Variants in CHN1 observed in about 807,000 individuals in gnomAD.
CHN1 encodes the protein chimerin 1, also known as N-chimaerin.
Under a neutral mutation model 59.5 loss-of-function variants are expected in CHN1, and 37 were observed. The observed-to-expected ratio is 0.62, with a 90% CI of 0.48 to 0.82. The LOEUF (loss-of-function observed/expected upper bound fraction) is 0.82. Among genes scored for constraint, CHN1 ranks in the 40% least tolerant of loss-of-function variants. The pLI is 0.00. For missense variants in CHN1, 469 were observed against 571.0 expected, an observed-to-expected ratio of 0.82 and a Z score of 1.82; for synonymous variants, 206 against 200.4, an observed-to-expected ratio of 1.03 and a Z score of -0.24.
At chr2:174,847,268 G>A (rs1334816072) in intron 6 of CHN1, 5 of 1,381,860 alleles carry the variant, frequency 3.6e-6, no homozygotes, top group Non-Finnish European at 4.7e-6. Context: ...CCACGGAGAG[G>A]TGGAGGAGGA....
chr2:174,893,669 C>T (rs992754518), intron 5 of CHN1, among the ~76,000 whole-genome samples: 1 of 152,046 alleles, frequency 6.6e-6, no homozygotes, highest in Non-Finnish European at 1.5e-5. Flanking sequence ...CCACAAATGG[C>T]CAAAACGATC....
At chr2:175,003,354 C>T (rs1691950158) in intron 1 of CHN1, among the ~76,000 whole-genome samples, 1 of 152,188 alleles carries the variant, frequency 6.6e-6, no homozygotes, top group Non-Finnish European at 1.5e-5. Context: ...CTTCTATAGG[C>T]CACATTCCAT....
chr2:174,946,160 A>G (rs1023798640), intron 2 of CHN1, among the ~76,000 whole-genome samples: 2 of 152,168 alleles, frequency 1.3e-5, no homozygotes, highest in Non-Finnish European at 2.9e-5. Context: ...AATGGGATTA[A>G]TAATAGTTTG....
chr2:174,914,756 T>A (rs1037386508), intron 5 of CHN1, among the ~76,000 whole-genome samples: 1 of 145,988 alleles, frequency 6.8e-6, no homozygotes, highest in Non-Finnish European at 1.5e-5. Flanking sequence ...GGCAGGAGAA[T>A]AGCTTGAACC....
chr2:174,871,225 C>T (rs1687396632), intron 6 of CHN1, among the ~76,000 whole-genome samples: 1 of 150,764 alleles, frequency 6.6e-6, no homozygotes, highest in South Asian at 2.1e-4. Flanking sequence ...ATCTAGCCAC[C>T]ACCCTCACGA....
intron 1 of CHN1, among the ~76,000 whole-genome samples, chr2:174,980,559 T>TGG (rs1691114814): frequency 6.6e-6 from 1 of 152,186 alleles, no homozygotes. Flanking sequence ...CTTCAATTCC[T>TGG]AATTGAAGAA....
intron 1 of CHN1, among the ~76,000 whole-genome samples, chr2:175,000,898 C>A (rs1017810854): frequency 1.3e-5 from 2 of 152,158 alleles, no homozygotes; most frequent in South Asian, 4.1e-4. Flanking sequence ...CCATGCCCAG[C>A]TGGGTTTTCT....
chr2:174,919,102 T>C (rs1183355581), intron 3 of CHN1, among the ~76,000 whole-genome samples: 4 of 152,168 alleles, frequency 2.6e-5, no homozygotes, highest in Non-Finnish European at 5.9e-5. Flanking sequence ...CACAGGAAGA[T>C]AGACAGCATT....
At chr2:174,934,838 C>G (rs939904710) in intron 3 of CHN1, among the ~76,000 whole-genome samples, 2 of 152,184 alleles carry the variant, frequency 1.3e-5, no homozygotes, top group Non-Finnish European at 2.9e-5. Flanking sequence ...CCTGAGAATT[C>G]TACTGCTTTA....
At chr2:174,818,236 A>G (rs1325441976) in intron 8 of CHN1, among the ~76,000 whole-genome samples, 1 of 152,242 alleles carries the variant, frequency 6.6e-6, no homozygotes, top group African/African-American at 2.4e-5. Flanking sequence ...AACTATGGGA[A>G]AACATTAATA....
chr2:174,980,770 A>C (rs991901716), intron 1 of CHN1, among the ~76,000 whole-genome samples: 3 of 152,200 alleles, frequency 2.0e-5, no homozygotes, highest in Non-Finnish European at 4.4e-5. Flanking sequence ...ATGAATCTAA[A>C]CTATGATATT....
At chr2:174,931,936 G>A (rs1689361360) in intron 3 of CHN1, among the ~76,000 whole-genome samples, 2 of 152,148 alleles carry the variant, frequency 1.3e-5, no homozygotes, top group Admixed American at 1.3e-4. Context: ...GGGAAGAGGA[G>A]GCAAGGAAGC....
intron 3 of CHN1, among the ~76,000 whole-genome samples, chr2:174,920,001 G>A (rs1246748038): frequency 2.6e-5 from 4 of 151,896 alleles, no homozygotes; most frequent in African/African-American, 7.3e-5. Flanking sequence ...TTGCTACTAC[G>A]AATTCAACAT....
intron 1 of CHN1, among the ~76,000 whole-genome samples, chr2:174,990,567 C>T (rs376926778): frequency 9.2e-5 from 14 of 152,052 alleles, no homozygotes; most frequent in African/African-American, 3.1e-4. Context: ...CTGCAAGTGT[C>T]CCTACTGTAT....
chr2:174,824,914 G>C (rs1292722498), intron 7 of CHN1, among the ~76,000 whole-genome samples: 1 of 152,126 alleles, frequency 6.6e-6, no homozygotes, highest in Admixed American at 6.6e-5. Context: ...CCAGCCCATG[G>C]TTAGTAATGA....
At chr2:174,827,705 G>C (rs182707873) in intron 7 of CHN1, among the ~76,000 whole-genome samples, 2 of 152,142 alleles carry the variant, frequency 1.3e-5, no homozygotes, top group Non-Finnish European at 2.9e-5. Flanking sequence ...AGCTGAACTC[G>C]GGCAGTGGTG....
chr2:174,814,865 T>A (rs972993601), intron 8 of CHN1, among the ~76,000 whole-genome samples: 6 of 152,202 alleles, frequency 3.9e-5, no homozygotes, highest in Admixed American at 1.3e-4. Flanking sequence ...TCTACACTGT[T>A]CTTAATGTAT....
intron 6 of CHN1, among the ~76,000 whole-genome samples, chr2:174,877,191 A>T (rs1687593007): frequency 6.6e-6 from 1 of 152,220 alleles, no homozygotes; most frequent in Non-Finnish European, 1.5e-5. Flanking sequence ...TTTTATGTTA[A>T]CCTGAAATAT....
intron 3 of CHN1, among the ~76,000 whole-genome samples, chr2:174,921,973 G>A (rs552376314): frequency 2.0e-5 from 3 of 152,232 alleles, no homozygotes; most frequent in Middle Eastern, 6.8e-3. Context: ...TGAATCTTCT[G>A]TTATCTGTGA....
Sources: allele counts gnomAD v4.1 joint callset (sites outside exome capture counted in the v4.1 genomes callset), GRCh38; gene constraint gnomAD v4.1.1; transcripts MANE v1.5; gene names NCBI Gene and HGNC (gene_info 2026-07-23, HGNC 2026-07-21).